RAB8B: variants seen among roughly 807,000 people sequenced by gnomAD.
The protein encoded by RAB8B is RAB8B, member RAS oncogene family, also known as ras-related protein Rab-8B.
Under a neutral mutation model 32.0 loss-of-function variants are expected in RAB8B, and 11 were observed. The ratio of observed to expected loss-of-function variants is 0.34; its 90% CI spans 0.22 to 0.57. The LOEUF is 0.57. Ranked by LOEUF, RAB8B falls within the 20% of genes least tolerant of loss-of-function variation. RAB8B has a pLI of 0.86. For synonymous variants in RAB8B, 103 were observed against 89.6 expected (o/e 1.15, Z -0.85); for missense variants, 190 against 258.5 (o/e 0.73, Z 1.82).
At chr15:63,239,538 T>A (rs374481138) in intron 1 of RAB8B, among the ~76,000 whole-genome samples, 2 of 150,482 alleles carry the variant, frequency 1.3e-5, no homozygotes, top group South Asian at 2.2e-4. Flanking sequence ...TGCCTTAGCC[T>A]CCCCGCTAGC....
intron 1 of RAB8B, among the ~76,000 whole-genome samples, chr15:63,211,017 C>A (rs1185689483): frequency 6.6e-6 from 1 of 152,154 alleles, no homozygotes; most frequent in East Asian, 1.9e-4. Context: ...CCAAAAGATA[C>A]CACTACACAA....
chr15:63,238,770 GA>G (rs2038006048), intron 1 of RAB8B, among the ~76,000 whole-genome samples: 1 of 152,100 alleles, frequency 6.6e-6, no homozygotes, highest in Non-Finnish European at 1.5e-5. Context: ...GATAGGACTT[GA>G]TTAATCTAAA....
intron 1 of RAB8B, among the ~76,000 whole-genome samples, chr15:63,240,524 G>C (rs369455896): frequency 3.9e-5 from 6 of 152,108 alleles, no homozygotes; most frequent in East Asian, 1.9e-4. Flanking sequence ...ACAGTTCAGT[G>C]CTTTTCAATG....
At chr15:63,256,729 A>C in intron 5 of RAB8B, 135 bp downstream of exon 5, 1 of 651,246 alleles carries the variant, frequency 1.5e-6, no homozygotes. Context: ...CAACAAAGAG[A>C]TGTAATCCAT....
intron 1 of RAB8B, among the ~76,000 whole-genome samples, chr15:63,231,657 T>C (rs1469011404): frequency 6.6e-6 from 1 of 152,168 alleles, no homozygotes. Context: ...GCTACAAAGG[T>C]ACACTTTATC....
intron 5 of RAB8B, among the ~76,000 whole-genome samples, chr15:63,258,220 G>C (rs2038174433): frequency 6.6e-6 from 1 of 151,504 alleles, no homozygotes; most frequent in Non-Finnish European, 1.5e-5. Flanking sequence ...TCCTGTCTCA[G>C]CCTCCCAAGT....
At chr15:63,255,408 A>T (rs1363588630) in intron 3 of RAB8B, 99 bp from the exon 4 acceptor site, 2 of 749,668 alleles carry the variant, frequency 2.7e-6, no homozygotes, top group Non-Finnish European at 4.0e-6. Context: ...GAAAAAATGG[A>T]CAAACAAAAG....
chr15:63,208,287 G>T (rs74022455), intron 1 of RAB8B, among the ~76,000 whole-genome samples: 62 of 152,182 alleles, frequency 4.1e-4, no homozygotes, highest in African/African-American at 1.4e-3. Flanking sequence ...CCAGTGTAAG[G>T]GTTTTAGAGG....
At chr15:63,260,571 C>T (rs1254011609) in intron 6 of RAB8B, among the ~76,000 whole-genome samples, 1 of 152,028 alleles carries the variant, frequency 6.6e-6, no homozygotes, top group African/African-American at 2.4e-5. Flanking sequence ...AGGTTTTCTT[C>T]AATACCTAAC....
intron 3 of RAB8B, among the ~76,000 whole-genome samples, chr15:63,254,271 C>G (rs1302102691): frequency 6.6e-6 from 1 of 152,186 alleles, no homozygotes; most frequent in African/African-American, 2.4e-5. Flanking sequence ...GGAAGCCTCC[C>G]CTGCCCACTC....
chr15:63,258,887 A>G (rs2038179255), intron 5 of RAB8B, among the ~76,000 whole-genome samples: 1 of 152,110 alleles, frequency 6.6e-6, no homozygotes, highest in African/African-American at 2.4e-5. Context: ...TGTGAGTCAG[A>G]AAAGGGGAGG....
intron 2 of RAB8B, among the ~76,000 whole-genome samples, chr15:63,245,176 A>C (rs1407878347): frequency 6.6e-6 from 1 of 152,256 alleles, no homozygotes; most frequent in Non-Finnish European, 1.5e-5. Context: ...AACCCTTGGC[A>C]GGAAGTACAG....
chr15:63,208,134 ACAT>A (rs747804823), intron 1 of RAB8B, among the ~76,000 whole-genome samples: 7 of 152,218 alleles, frequency 4.6e-5, no homozygotes, highest in African/African-American at 7.2e-5. Context: ...CCACTGGAAT[ACAT>A]CATCGTTGGC....
At chr15:63,218,274 C>T (rs2037811352) in intron 1 of RAB8B, among the ~76,000 whole-genome samples, 1 of 152,122 alleles carries the variant, frequency 6.6e-6, no homozygotes, top group Non-Finnish European at 1.5e-5. Flanking sequence ...GATTAAAGCC[C>T]CCTTGCAGAC....
intron 3 of RAB8B, among the ~76,000 whole-genome samples, chr15:63,254,272 C>T (rs1368356652): frequency 1.3e-5 from 2 of 152,202 alleles, no homozygotes; most frequent in Non-Finnish European, 1.5e-5. Flanking sequence ...GAAGCCTCCC[C>T]TGCCCACTCC....
chr15:63,203,517 T>C (rs1322535463), intron 1 of RAB8B, among the ~76,000 whole-genome samples: 2 of 152,358 alleles, frequency 1.3e-5, no homozygotes, highest in East Asian at 3.9e-4. Context: ...ATGAATGAAA[T>C]CAGCCCCTAG....
At chr15:63,221,389 A>G (rs573445685) in intron 1 of RAB8B, among the ~76,000 whole-genome samples, 1 of 152,294 alleles carries the variant, frequency 6.6e-6, no homozygotes, top group South Asian at 2.1e-4. Flanking sequence ...TTATGATGGA[A>G]GCTAGTACTG....
At chr15:63,213,733 T>C (rs1248132199) in intron 1 of RAB8B, among the ~76,000 whole-genome samples, 2 of 152,140 alleles carry the variant, frequency 1.3e-5, no homozygotes, top group Non-Finnish European at 1.5e-5. Context: ...TCCAAATAAT[T>C]TTCTACATTT....
In RAB8B at chr15:63,267,406, T is replaced by C. The variant is rs2038257300; in HGVS notation, c.*3787T>C. 6.6e-6 allele frequency: 1 copy of C among 152,570 alleles called. No individual in the cohort carries two copies. Among genetic ancestry groups the C allele is most frequent in the Non-Finnish European group, 1.5e-5 (1 of 68,046 alleles). The allele number at this position is 152,570 out of a possible 1,614,324, so 9.5% of individuals were successfully genotyped here. ...ACCTTTTTTTAAAATGTGAATTTAG[T>C]TATTATAGTTCAATTTTATGGCCTT... is the stretch of plus-strand genomic sequence containing the variant. On this transcript the variant is annotated 3_prime_UTR_variant, in exon 8 of 8. Coordinates refer to ENST00000321437, the MANE Select transcript of RAB8B (RefSeq NM_016530.3).
Sources: allele counts gnomAD v4.1 joint callset (sites outside exome capture counted in the v4.1 genomes callset), GRCh38; gene constraint gnomAD v4.1.1; transcripts MANE v1.5; gene names NCBI Gene and HGNC (gene_info 2026-07-23, HGNC 2026-07-21).